Variants in EYS observed in about 807,000 individuals in gnomAD.
EYS encodes the protein protein eyes shut homolog.
Under a neutral mutation model 282.1 loss-of-function variants are expected in EYS, and 250 were observed. The ratio of observed to expected loss-of-function variants is 0.89; its 90% confidence interval spans 0.80 to 0.98. EYS has a LOEUF of 0.98. Ranked by LOEUF, EYS falls within the 50% of genes least tolerant of loss-of-function variation. EYS has a pLI of 0.00. For missense variants in EYS, 4,016 were observed against 3,709.0 expected (o/e 1.08, Z -2.15); for synonymous variants, 1,355 against 1,282.9 (o/e 1.06, Z -1.20).
intron 28 of EYS, among the ~76,000 whole-genome samples, chr6:64,394,125 T>C (rs1773266043): frequency 6.6e-6 from 1 of 152,062 alleles, no homozygotes. Flanking sequence ...CTCAATTAAA[T>C]AAAAGAGGAC....
intron 22 of EYS, among the ~76,000 whole-genome samples, chr6:64,792,197 A>G (rs550354762): frequency 1.3e-5 from 2 of 152,060 alleles, no homozygotes; most frequent in South Asian, 2.1e-4. Context: ...TTAGATATAC[A>G]TATTAACCTT....
At chr6:65,141,492 T>C (rs1444587001) in intron 12 of EYS, among the ~76,000 whole-genome samples, 1 of 135,208 alleles carries the variant, frequency 7.4e-6, no homozygotes, top group East Asian at 2.0e-4. Context: ...TAAAGTATAA[T>C]AATAAAAAAA....
chr6:65,252,329 C>T (rs1767348741), intron 12 of EYS, among the ~76,000 whole-genome samples: 1 of 151,854 alleles, frequency 6.6e-6, no homozygotes, highest in Admixed American at 6.6e-5. Context: ...AATAGACCAC[C>T]AACCACATCA....
At chr6:64,213,767 C>A (rs1343078683) in intron 31 of EYS, among the ~76,000 whole-genome samples, 1 of 152,026 alleles carries the variant, frequency 6.6e-6, no homozygotes, top group African/African-American at 2.4e-5. Context: ...GTAAATTAAC[C>A]TGATATATGT....
intron 35 of EYS, among the ~76,000 whole-genome samples, chr6:63,968,347 G>T (rs1766401186): frequency 6.6e-6 from 1 of 152,066 alleles, no homozygotes; most frequent in African/African-American, 2.4e-5. Flanking sequence ...CGTAGTCTTG[G>T]TTATGGGCTT....
intron 40 of EYS, among the ~76,000 whole-genome samples, chr6:63,768,766 G>A (rs796722405): frequency 1.1e-4 from 17 of 152,162 alleles, no homozygotes; most frequent in African/African-American, 4.1e-4. Context: ...AAAGACATAT[G>A]CATTTGTATG....
chr6:64,625,367 G>C (rs1240883376), intron 23 of EYS, among the ~76,000 whole-genome samples: 2 of 152,108 alleles, frequency 1.3e-5, no homozygotes, highest in Admixed American at 1.3e-4. Flanking sequence ...CCATAAACTG[G>C]ATAGCTTACA....
At position 64,850,663 on chromosome 6, in the gene EYS, A is replaced by G. The variant is rs906046331; in HGVS notation, c.2993-27841T>C. ...CAGGTAGCTGAGAGGGAGAAAAGAC[A>G]GTAATTGAAAGCCACTAAAGTTTTT... is the stretch of plus-strand genomic sequence containing the variant. On this transcript the variant is annotated intron_variant, in intron 19 of 42. Transcript: ENST00000503581. Among the ~76,000 whole-genome samples the G allele has an allele frequency of 3.3e-5, 5 of 152,182 alleles. No homozygotes were observed. In the East Asian group the frequency reaches 7.7e-4, roughly 24 times the overall value.
intron 33 of EYS, among the ~76,000 whole-genome samples, chr6:64,012,549 C>T (rs900653354): frequency 1.3e-5 from 2 of 152,150 alleles, no homozygotes; most frequent in Non-Finnish European, 2.9e-5. Flanking sequence ...AACAGGGAAA[C>T]ATGGAAAATA....
intron 10 of EYS, among the ~76,000 whole-genome samples, chr6:65,337,179 T>A (rs1015410171): frequency 1.3e-5 from 2 of 151,516 alleles, no homozygotes; most frequent in African/African-American, 4.8e-5. Flanking sequence ...ACTTTCTACA[T>A]AGAGCTCAAA....
chr6:63,992,191 T>C (rs1378265369), intron 34 of EYS, among the ~76,000 whole-genome samples: 3 of 151,860 alleles, frequency 2.0e-5, no homozygotes, highest in Non-Finnish European at 2.9e-5. Context: ...TATACAAATA[T>C]AGAATACTGT....
chr6:64,223,751 T>G (rs1326289089), intron 31 of EYS, among the ~76,000 whole-genome samples: 2 of 152,072 alleles, frequency 1.3e-5, no homozygotes, highest in Non-Finnish European at 2.9e-5. Flanking sequence ...ATACACGTAA[T>G]GTATATAATA....
At position 65,405,191 on chromosome 6, in the gene EYS, A is replaced by T. The variant is rs1377079007; in HGVS notation, c.1039T>A (p.Cys347Ser). The T allele has an allele frequency of 6.2e-7, 1 of 1,611,776 alleles. No individual in the cohort carries two copies. The highest frequency in any genetic ancestry group is 8.5e-7 in the Non-Finnish European group (1 of 1,178,156). ...SLVPCQNGTD[C>S]IKISNDVMCI... ...AGACTTACATTTGATATTTTGATGC[A>T]GTCAGTACCATTCTGACATGGTACT... is the stretch of plus-strand genomic sequence containing the variant. Residue 347 changes from cysteine to serine, a missense_variant, in exon 6 of 43, where the codon TGC (cysteine) becomes AGC (serine). Coordinates refer to ENST00000503581, the MANE Select transcript of EYS (RefSeq NM_001142800.2).
rs1477039599 is a variant in EYS at position 63,832,361 on chromosome 6, A to G, written c.7229-25989T>C. 3.3e-5 allele frequency among the ~76,000 whole-genome samples: 5 copies of G among 152,132 alleles called. No individual in the cohort carries two copies. The East Asian group carries it at 9.6e-4, about 29-fold the overall frequency. On this transcript the variant is annotated intron_variant, in intron 36 of 42. Transcript: ENST00000503581. ...GAAAAGAGAGAAGAATCAAATAGACACAATAAAAAATGATGAAGGGGATAT... is the reference window on the plus strand; with the variant it reads ...GAAAAGAGAGAAGAATCAAATAGACGCAATAAAAAATGATGAAGGGGATAT...
At chr6:65,318,127 A>G (rs1338071966) in intron 11 of EYS, among the ~76,000 whole-genome samples, 1 of 150,176 alleles carries the variant, frequency 6.7e-6, no homozygotes, top group African/African-American at 2.5e-5. Context: ...TCGGCCTCCC[A>G]AAGTGCTGGG....
intron 2 of EYS, among the ~76,000 whole-genome samples, chr6:65,582,957 A>G (rs1478790735): frequency 1.3e-5 from 2 of 152,130 alleles, no homozygotes; most frequent in East Asian, 3.8e-4. Context: ...GCTAACACTC[A>G]TGTTACTAAT....
At chr6:64,877,567 T>C (rs1766788504) in intron 19 of EYS, among the ~76,000 whole-genome samples, 1 of 152,184 alleles carries the variant, frequency 6.6e-6, no homozygotes, top group Non-Finnish European at 1.5e-5. Flanking sequence ...GTTTACAAGG[T>C]ATTTTACATA....
At chr6:65,480,657 C>T (rs907338739) in intron 5 of EYS, among the ~76,000 whole-genome samples, 1 of 151,970 alleles carries the variant, frequency 6.6e-6, no homozygotes, top group African/African-American at 2.4e-5. Flanking sequence ...TAGCTGAACC[C>T]CCATATTTAT....
At chr6:64,762,596 C>A (rs2149979600) in intron 22 of EYS, among the ~76,000 whole-genome samples, 1 of 152,232 alleles carries the variant, frequency 6.6e-6, no homozygotes, top group South Asian at 2.1e-4. Context: ...TTTCTCCACA[C>A]AGAGAAGAGC....
Sources: gnomAD v4.1 joint callset for allele counts (sites outside exome capture counted in the v4.1 genomes callset) on GRCh38, gnomAD v4.1.1 for gene constraint, MANE v1.5 for transcripts, NCBI Gene and HGNC (gene_info 2026-07-23, HGNC 2026-07-21) for gene names.